ZNF346: variants seen among roughly 807,000 people sequenced by gnomAD.
ZNF346 encodes zinc finger protein 346, also known as double-stranded RNA-binding zinc finger protein JAZ.
In ZNF346, 23 loss-of-function variants were observed where a neutral mutation model predicts 33.7. The ratio of observed to expected loss-of-function variants is 0.68; its 90% CI spans 0.49 to 0.97. ZNF346 has a LOEUF of 0.97. Among genes scored for constraint, ZNF346 ranks in the 50% least tolerant of loss-of-function variants. The probability of loss-of-function intolerance (pLI) is 0.00; values close to 1 mark genes in which losing one functional copy is unlikely to be tolerated. For missense variants in ZNF346, 340 were observed against 371.1 expected, an observed-to-expected ratio of 0.92 and a Z score of 0.69; for synonymous variants, 134 against 142.4, an observed-to-expected ratio of 0.94 and a Z score of 0.42.
At chr5:177,042,882 CA>C (rs1156927452) in intron 3 of ZNF346, among the ~76,000 whole-genome samples, 1 of 152,170 alleles carries the variant, frequency 6.6e-6, no homozygotes, top group Non-Finnish European at 1.5e-5. Flanking sequence ...AGGCACACAC[CA>C]CCACGCCTGG....
At chr5:177,057,191 A>G (rs1365656487) in intron 5 of ZNF346, among the ~76,000 whole-genome samples, 1 of 152,082 alleles carries the variant, frequency 6.6e-6, no homozygotes, top group African/African-American at 2.4e-5. Context: ...GGGCGCCTGT[A>G]ATCCCAGCAG....
At chr5:177,051,170 C>CTTTTTTTTTT (rs906484576) in intron 5 of ZNF346, among the ~76,000 whole-genome samples, 2 of 104,846 alleles carry the variant, frequency 1.9e-5, no homozygotes, top group African/African-American at 4.0e-5. Flanking sequence ...GTTTTCTTTT[C>CTTTTTTTTTT]TTTTTTTTTT....
intron 1 of ZNF346, among the ~76,000 whole-genome samples, chr5:177,030,345 G>A (rs1476747570): frequency 2.0e-5 from 3 of 151,940 alleles, no homozygotes; most frequent in Non-Finnish European, 4.4e-5. Flanking sequence ...ACTGGGCTGG[G>A]GGCGGTGGCT....
chr5:177,046,374 T>G (rs1780053508), intron 4 of ZNF346, among the ~76,000 whole-genome samples: 1 of 152,102 alleles, frequency 6.6e-6, no homozygotes, highest in Non-Finnish European at 1.5e-5. Context: ...ATTCTCTGCA[T>G]TATGCCTTGT....
In ZNF346 at chr5:177,050,782, A is replaced by G; in HGVS notation, c.549A>G (p.Pro183=). 6.2e-7 allele frequency: 1 copy of G among 1,614,228 alleles called. No homozygotes were observed. Among genetic ancestry groups the G allele is most frequent in the South Asian group, 1.1e-5 (1 of 91,086 alleles). ...ALHQNREMID[P]DKFCSLCHAT... is the part of the protein sequence containing the mutation. ...ACCAGAATAGAGAGATGATAGACCCAGACAAGTTCTGCAGCCTCTGCCATG... is the reference window on the plus strand; with the variant it reads ...ACCAGAATAGAGAGATGATAGACCCGGACAAGTTCTGCAGCCTCTGCCATG... The change falls in exon 5 of 7, where the codon CCA becomes CCG. Residue 183 remains proline (P), a synonymous_variant. Coordinates refer to ENST00000358149, the MANE Select transcript of ZNF346 (RefSeq NM_012279.4).
At chr5:177,036,664 A>G (rs1778560219) in intron 1 of ZNF346, among the ~76,000 whole-genome samples, 1 of 152,204 alleles carries the variant, frequency 6.6e-6, no homozygotes, top group Non-Finnish European at 1.5e-5. Context: ...ACCTCCGGCC[A>G]GTGAAGCCTT....
rs1783784904 is a variant in ZNF346 at position 177,077,031 on chromosome 5, A to G, written c.*3-2351A>G. Among the ~76,000 whole-genome samples the G allele has an allele frequency of 6.6e-6, 1 of 152,162 alleles. No individual in the cohort carries two copies. The highest frequency in any genetic ancestry group is 2.1e-4 in the South Asian group (1 of 4,830). On this transcript the variant is annotated intron_variant, in intron 8 of 8. Coordinates refer to the ZNF346 transcript ENST00000503039. The surrounding 1 kb of genome is among the most constrained non-coding windows in gnomAD (Gnocchi z 5.0). ...ACTCCAGCTTGGGCGACAGAGCGAGACTCTCAAGAAAAATAAATAAATAAA... is the reference window on the plus strand; with the variant it reads ...ACTCCAGCTTGGGCGACAGAGCGAGGCTCTCAAGAAAAATAAATAAATAAA...
At chr5:177,043,963 A>G (rs924352387) in intron 3 of ZNF346, among the ~76,000 whole-genome samples, 5 of 152,100 alleles carry the variant, frequency 3.3e-5, no homozygotes, top group Non-Finnish European at 7.3e-5. Context: ...ACAGAGGTCT[A>G]TTTAATGTAC....
Position 177,063,065 on chromosome 5 carries a change from GT to G in ZNF346, c.797+928del, listed in dbSNP as rs556962990. Among the ~76,000 whole-genome samples the G allele has an allele frequency of 1.4e-3, 206 of 142,738 alleles. 1 individual carries two copies. Among genetic ancestry groups the G allele is most frequent in the Middle Eastern group, 3.6e-3 (1 of 280 alleles). 93.6% of individuals were successfully genotyped at this position (142,738 alleles called of 152,430 possible). A position where few individuals can be genotyped will look rare whatever the true frequency, so the allele number is the denominator to read the frequency against. ...TATGAGCAGTGTGCCACAACATAAC[GT>G]TTTTTTTTTTTTTAGTAGAGATGGG... On this transcript the variant is annotated intron_variant, in intron 6 of 6. Transcript: ENST00000358149.
At chr5:177,040,697 T>G (rs1213243930) in intron 1 of ZNF346, among the ~76,000 whole-genome samples, 2 of 152,082 alleles carry the variant, frequency 1.3e-5, no homozygotes, top group East Asian at 3.8e-4. Context: ...ATGAGAAAAG[T>G]ATTCCTTTTT....
intron 8 of ZNF346, among the ~76,000 whole-genome samples, chr5:177,073,828 A>AGGGGGGGGGGGGGGGGGGG (rs34734185): frequency 7.3e-5 from 5 of 68,944 alleles, no homozygotes; most frequent in East Asian, 8.3e-4. Context: ...CGGGCGGGGG[A>AGGGGGGGGGGGGGGGGGGG]GGGGGGGGGT....
chr5:177,064,139 T>C lies in ZNF346; in HGVS notation c.798-373T>C, dbSNP rs540040020. On this transcript the variant is annotated intron_variant, in intron 6 of 6. Transcript: ENST00000358149. Reference sequence around the variant, plus strand: ...GTTTGACTTCGAAGCCCATTCATTTTACTCTGCCACTACCAAATGGAATGA... The same window carrying C: ...GTTTGACTTCGAAGCCCATTCATTTCACTCTGCCACTACCAAATGGAATGA... Among the ~76,000 whole-genome samples, 55 of 152,354 alleles carry C rather than the reference T, an allele frequency of 3.6e-4. No individual in the cohort carries two copies. The South Asian group carries it at 0.011, about 30-fold the overall frequency.
intron 1 of ZNF346, among the ~76,000 whole-genome samples, chr5:177,036,088 A>G (rs1316379705): frequency 6.6e-6 from 1 of 151,872 alleles, no homozygotes; most frequent in Non-Finnish European, 1.5e-5. Context: ...ATGCAGTTGC[A>G]GTCAGATGGT....
intron 6 of ZNF346, among the ~76,000 whole-genome samples, chr5:177,063,902 T>C (rs988448042): frequency 1.0e-4 from 13 of 125,870 alleles, no homozygotes; most frequent in African/African-American, 3.7e-4. Context: ...TGTCTCAAAA[T>C]TTTAAAAAAG....
rs1581852998 is a variant in ZNF346, at chr5:177,041,834, A to G, written c.336A>G (p.Thr112=). 6.2e-7 allele frequency: 1 copy of G among 1,613,708 alleles called. No individual in the cohort carries two copies. The highest frequency in any genetic ancestry group is 1.1e-5 in the South Asian group (1 of 91,062). ...KRYLAIHGME[T]LKGETKKLDS... ...ACCTAGCAATCCATGGAATGGAGAC[A>G]TTAAAGGGGGAAACGAAGAAGCTAG... The change falls in exon 3 of 7, where the codon ACA becomes ACG. Residue 112 remains threonine, a synonymous_variant. Coordinates refer to ENST00000358149, the MANE Select transcript of ZNF346 (RefSeq NM_012279.4).
At position 177,062,069 on chromosome 5, in the gene ZNF346, T is replaced by C. The variant is rs759422373; in HGVS notation, c.715T>C (p.Tyr239His). The C allele has an allele frequency of 2.5e-6, 4 of 1,613,924 alleles. No individual in the cohort carries two copies. The highest frequency in any genetic ancestry group is 8.5e-7 in the Non-Finnish European group (1 of 1,179,854). Residue 239 changes from tyrosine (Y) to histidine (H), a missense_variant, in exon 6 of 7, where the codon TAC becomes CAC. By Grantham distance (83) the Tyr-to-His change is moderately conservative. Transcript: ENST00000358149. ...TTGATGTGTTTCAGCTGGAAAGGGCTACCCCTGCAAAACATGTAAGATAGT... is the reference window on the plus strand; with the variant it reads ...TTGATGTGTTTCAGCTGGAAAGGGCCACCCCTGCAAAACATGTAAGATAGT... ...AVTDFPAGKG[Y>H]PCKTCKIVLN... is the part of the protein sequence containing the mutation.
chr5:177,070,364 A>G (rs1021596669), downstream of ZNF346, among the ~76,000 whole-genome samples: 1 of 152,000 alleles, frequency 6.6e-6, no homozygotes, highest in South Asian at 2.1e-4. Flanking sequence ...AGAAATCAAT[A>G]CCCAGGACCC....
downstream of ZNF346, among the ~76,000 whole-genome samples, chr5:177,069,468 A>C (rs1238669592): frequency 6.6e-6 from 1 of 151,786 alleles, no homozygotes; most frequent in Non-Finnish European, 1.5e-5. Context: ...AAAAAAAACA[A>C]GTTGAGTTTT....
intron 1 of ZNF346, among the ~76,000 whole-genome samples, chr5:177,032,777 C>T (rs353487): frequency 0.038 from 5,815 of 152,130 alleles, 375 homozygotes; most frequent in African/African-American, 0.13. Context: ...TGGATTTGGC[C>T]AGGCATGGTG....
Sources: gnomAD v4.1 joint callset for allele counts (sites outside exome capture counted in the v4.1 genomes callset) on GRCh38, gnomAD v4.1.1 for gene constraint, Gnocchi (gnomAD v3.1) non-coding constraint, MANE v1.5 for transcripts, NCBI Gene and HGNC (gene_info 2026-07-23, HGNC 2026-07-21) for gene names.